Variants in TBXT observed in about 807,000 individuals in gnomAD.
TBXT encodes T brachyury transcription factor.
A neutral mutation model predicts 41.1 loss-of-function variants in TBXT; 19 were observed. The ratio of observed to expected loss-of-function variants is 0.46; its 90% CI spans 0.32 to 0.68. The LOEUF is 0.68. Ranked by LOEUF, TBXT falls within the 30% of genes least tolerant of loss-of-function variation. TBXT has a pLI of 0.03. For missense variants in TBXT, 536 were observed against 582.0 expected, an observed-to-expected ratio of 0.92 and a Z score of 0.81; for synonymous variants, 213 against 238.9, an observed-to-expected ratio of 0.89 and a Z score of 1.00.
chr6:166,161,330 G>A (rs1034270095), intron 6 of TBXT, among the ~76,000 whole-genome samples: 1 of 152,116 alleles, frequency 6.6e-6, no homozygotes, highest in Non-Finnish European at 1.5e-5. Flanking sequence ...ATAAGAATGG[G>A]CGATAGAAAC....
At position 166,164,632 on chromosome 6, in the gene TBXT, C is replaced by T. The variant is rs374862419; in HGVS notation, c.703G>A (p.Asp235Asn). The T allele has an allele frequency of 1.2e-6, 2 of 1,614,006 alleles. No individual in the cohort carries two copies. The highest frequency in any genetic ancestry group is 1.7e-5 in the Admixed American group (1 of 60,008). The change falls in exon 5 of 8, where the codon GAC (aspartate) becomes AAC (asparagine). Residue 235 changes from aspartate (D) to asparagine (N), a missense_variant. By Grantham distance (23) the Asp-to-Asn change is conservative. Transcript: ENST00000366876. ...DHKEMMEEPG[D>N]SQQPGYSQSG... Reference sequence around the variant, plus strand: ...TGGGAGTACCCAGGTTGCTGGCTGTCTCCGGGTTCCTCCATCATCTCTTTG... The same window carrying T: ...TGGGAGTACCCAGGTTGCTGGCTGTTTCCGGGTTCCTCCATCATCTCTTTG...
At chr6:166,165,975 A>AC in intron 2 of TBXT, 135 bp from the exon 3 acceptor site, 2 of 1,368,774 alleles carry the variant, frequency 1.5e-6, no homozygotes, top group South Asian at 2.3e-5. Flanking sequence ...GTGGGGTTCC[A>AC]CCAGGGGAGG....
At chr6:166,159,798 C>A (rs750594541) in intron 7 of TBXT, among the ~76,000 whole-genome samples, 6 of 152,176 alleles carry the variant, frequency 3.9e-5, no homozygotes, top group Non-Finnish European at 8.8e-5. Context: ...TTCTAAGATG[C>A]CCAATTAGAG....
chr6:166,165,375 TGC>T (rs955507714), intron 3 of TBXT, among the ~76,000 whole-genome samples: 2 of 152,182 alleles, frequency 1.3e-5, no homozygotes, highest in African/African-American at 4.8e-5. Flanking sequence ...AGGAAGGACA[TGC>T]CCCTCTCTCA....
chr6:166,158,848 A>G lies in TBXT; in HGVS notation c.1038-260T>C, dbSNP rs572676868. 1.2e-4 allele frequency among the ~76,000 whole-genome samples: 19 copies of G among 152,354 alleles called. No individual in the cohort carries two copies. In the East Asian group the frequency reaches 3.7e-3, roughly 29 times the overall value. On this transcript the variant is annotated intron_variant, in intron 7 of 7. Transcript: ENST00000366876. ...AAGATTATTCACATATTCAGAGCTC[A>G]TGAAAGAGCGCTGTTAAGTTTCACT...
At chr6:166,158,674 CGGA>C in intron 7 of TBXT, 86 bp from the exon 8 acceptor site, 1 of 1,393,754 alleles carries the variant, frequency 7.2e-7, no homozygotes, top group Middle Eastern at 2.6e-4. Flanking sequence ...AAATCCCATT[CGGA>C]GTGACTGTGT....
Position 166,158,155 on chromosome 6 carries a change from G to A in TBXT, c.*160C>T, listed in dbSNP as rs1346344298. The A allele has an allele frequency of 1.8e-6, 2 of 1,103,674 alleles. No homozygotes were observed. Among genetic ancestry groups the A allele is most frequent in the African/African-American group, 1.5e-5 (1 of 65,632 alleles). The allele number at this position is 1,103,674 out of a possible 1,614,324, so 68.4% of individuals were successfully genotyped here. A position where few individuals can be genotyped will look rare whatever the true frequency, so the allele number is the denominator to read the frequency against. On this transcript the variant is annotated 3_prime_UTR_variant, in exon 8 of 8. Coordinates refer to ENST00000366876, the MANE Select transcript of TBXT (RefSeq NM_001366285.2). ...AAGGGATGCTGGGGCTCTGGGGAAA[G>A]GTGCCGTGTGCTCCTCCACTGCTTT... is the stretch of plus-strand genomic sequence containing the variant.
chr6:166,162,561 A>G lies in TBXT; in HGVS notation c.793T>C (p.Phe265Leu). The change falls in exon 6 of 8, where the codon TTT (phenylalanine) becomes CTT (leucine). Residue 265 changes from phenylalanine (F) to leucine (L), a missense_variant. Physicochemically the swap from Phe to Leu is conservative, Grantham distance 22 (BLOSUM62 0). Coordinates refer to ENST00000366876, the MANE Select transcript of TBXT (RefSeq NM_001366285.2). ...LCPPANPHPQ[F>L]GGALSLPSTH... ...GAGGGGAGGGAGAGGGCACCTCCAA[A>G]CTGAGGATGAGGATTTGCAGGTGGA... The G allele has an allele frequency of 1.9e-6, 3 of 1,614,092 alleles. No individual in the cohort carries two copies. The highest frequency in any genetic ancestry group is 2.5e-6 in the Non-Finnish European group (3 of 1,180,002).
chr6:166,165,758 T>G lies in TBXT; in HGVS notation c.554A>C (p.His185Pro). 1 of 1,614,178 alleles carries G rather than the reference T, an allele frequency of 6.2e-7. No homozygotes were observed. Residue 185 changes from histidine (H) to proline (P), a missense_variant, in exon 3 of 8, where the codon CAC becomes CCC. His to Pro is a moderately conservative substitution (Grantham distance 77). Coordinates refer to ENST00000366876, the MANE Select transcript of TBXT (RefSeq NM_001366285.2). ...TATGAACTGGGTCTCAGGGAAGCAG[T>G]GGCTGGTGATCATGCGCTGTGGACC... Reference protein sequence around the residue: ...VGGPQRMITSHCFPETQFIAV... With the variant: ...VGGPQRMITSPCFPETQFIAV...
intron 6 of TBXT, among the ~76,000 whole-genome samples, chr6:166,162,114 A>C (rs1778976388): frequency 6.6e-6 from 1 of 152,192 alleles, no homozygotes. Flanking sequence ...GGTTCATAGA[A>C]GACTCAAACC....
At position 166,164,845 on chromosome 6, in the gene TBXT, A is replaced by G. The variant is rs1266659552; in HGVS notation, c.623T>C (p.Ile208Thr). 2.5e-6 allele frequency: 4 copies of G among 1,612,688 alleles called. No individual in the cohort carries two copies. The highest frequency in any genetic ancestry group is 2.7e-5 in the African/African-American group (2 of 75,022). Residue 208 changes from isoleucine to threonine, a missense_variant, in exon 4 of 8, where the codon ATT becomes ACT. By Grantham distance (89) the Ile-to-Thr change is moderately conservative. Coordinates refer to ENST00000366876, the MANE Select transcript of TBXT (RefSeq NM_001366285.2). ...AGCTTTTGCAAATGGATTGTACTTA[A>G]TTTTAAGAGCTGTGATCTGAAAAAC... Reference protein sequence around the residue: ...YQNEEITALKIKYNPFAKAFL... With the variant: ...YQNEEITALKTKYNPFAKAFL...
intron 5 of TBXT, 123 bp downstream of exon 5, chr6:166,164,482 A>G: frequency 8.5e-7 from 1 of 1,175,002 alleles, no homozygotes. Context: ...CATGGCAAAA[A>G]GGCAATCTTA....
At chr6:166,166,524 C>G in intron 2 of TBXT, 68 bp downstream of exon 2, 1 of 1,609,812 alleles carries the variant, frequency 6.2e-7, no homozygotes, top group Non-Finnish European at 8.5e-7. Context: ...TCCCACAACC[C>G]CCGTGCAGAA....
Position 166,167,568 on chromosome 6 carries a change from G to T in TBXT, c.24C>A (p.Ser8Arg), listed in dbSNP as rs1169244839. 2.5e-6 allele frequency: 4 copies of T among 1,573,514 alleles called. No individual in the cohort carries two copies. Among genetic ancestry groups the T allele is most frequent in the African/African-American group, 1.4e-5 (1 of 74,054 alleles). The part of the protein sequence containing the change: MSSPGTE[S>R]AGKSLQYRVD... ...CTCGGTACTGCAGGCTCTTTCCCGC[G>T]CTCTCGGTGCCAGGGGAGCTCATCC... Residue 8 changes from serine (S) to arginine (R), a missense_variant, in exon 1 of 8, where the codon AGC becomes AGA. Ser to Arg is a moderately radical substitution (Grantham distance 110). Coordinates refer to ENST00000366876, the MANE Select transcript of TBXT (RefSeq NM_001366285.2).
chr6:166,167,304 G>C, intron 1 of TBXT, 82 bp downstream of exon 1: 2 of 1,523,122 alleles, frequency 1.3e-6, no homozygotes. Context: ...AAAAGGGTTC[G>C]ACCTCCGGGA....
Position 166,167,468 on chromosome 6 carries a change from G to A in TBXT, c.124C>T (p.Leu42=), listed in dbSNP as rs141082493. The stretch of plus-strand genomic sequence containing the variant: ...TCGCTCTCCTCCAGGCCCACGCGCA[G>A]TTCGCGCTCTGTGGGGTCGCCCTTC... The part of the protein sequence containing the change: ...SEKGDPTERE[L]RVGLEESELW... The change falls in exon 1 of 8, where the codon CTG becomes TTG. Residue 42 remains leucine, a synonymous_variant. Coordinates refer to ENST00000366876, the MANE Select transcript of TBXT (RefSeq NM_001366285.2). 3 of 1,612,410 alleles carry A rather than the reference G, an allele frequency of 1.9e-6. No homozygotes were observed. Among genetic ancestry groups the A allele is most frequent in the East Asian group, 4.5e-5 (2 of 44,858 alleles).
chr6:166,163,103 C>T (rs1413428675), intron 5 of TBXT, among the ~76,000 whole-genome samples: 1 of 152,150 alleles, frequency 6.6e-6, no homozygotes, highest in African/African-American at 2.4e-5. Context: ...TCTACTATTC[C>T]CCAAGGCAGG....
In TBXT at chr6:166,167,721, C is replaced by A; in HGVS notation, c.-130G>T. The A allele has an allele frequency of 8.5e-7, 1 of 1,181,342 alleles. No individual in the cohort carries two copies. 73.2% of individuals were successfully genotyped at this position (1,181,342 alleles called of 1,614,324 possible). A position where few individuals can be genotyped will look rare whatever the true frequency, so the allele number is the denominator to read the frequency against. Reference sequence around the variant, plus strand: ...TTGGACCGAGACCTGCGACGGCTCCCGGGTCCCGGGTCCCGGCACAGACCC... The same window carrying A: ...TTGGACCGAGACCTGCGACGGCTCCAGGGTCCCGGGTCCCGGCACAGACCC... On this transcript the variant is annotated 5_prime_UTR_variant, in exon 1 of 8. Coordinates refer to ENST00000366876, the MANE Select transcript of TBXT (RefSeq NM_001366285.2).
chr6:166,164,592 CA>C lies in TBXT; in HGVS notation c.730+12del. 1 of 1,614,084 alleles carries C rather than the reference CA, an allele frequency of 6.2e-7. No individual in the cohort carries two copies. Among genetic ancestry groups the C allele is most frequent in the Non-Finnish European group, 8.5e-7 (1 of 1,180,012 alleles). ...TGACGCAGAATGACATGACAGAGTGCAACAAACCGTACATTGGGAGTACCCA... is the reference window on the plus strand; with the variant it reads ...TGACGCAGAATGACATGACAGAGTGCACAAACCGTACATTGGGAGTACCCA... On this transcript the variant is annotated intron_variant, in intron 5 of 7. Transcript: ENST00000366876.
Sources: gnomAD v4.1 joint callset for allele counts (sites outside exome capture counted in the v4.1 genomes callset) on GRCh38, gnomAD v4.1.1 for gene constraint, MANE v1.5 for transcripts, NCBI Gene and HGNC (gene_info 2026-07-23, HGNC 2026-07-21) for gene names.